Variants in RHOBTB1 observed in about 807,000 individuals in gnomAD.
RHOBTB1 encodes Rho related BTB domain containing 1.
A neutral mutation model predicts 71.6 loss-of-function variants in RHOBTB1; 40 were observed. The observed-to-expected ratio is 0.56, with a 90% CI of 0.43 to 0.73. RHOBTB1 has a LOEUF of 0.73. Among genes scored for constraint, RHOBTB1 ranks in the 30% least tolerant of loss-of-function variants. RHOBTB1 has a pLI of 0.00. For synonymous variants in RHOBTB1, 319 were observed against 334.9 expected, an observed-to-expected ratio of 0.95 and a Z score of 0.52; for missense variants, 797 against 894.0, an observed-to-expected ratio of 0.89 and a Z score of 1.38.
At chr10:60,889,345 A>G (rs1175093092) in intron 5 of RHOBTB1, among the ~76,000 whole-genome samples, 160 bp from the exon 6 acceptor site, 3 of 152,184 alleles carry the variant, frequency 2.0e-5, no homozygotes, top group African/African-American at 7.2e-5. Flanking sequence ...TTGAACTATA[A>G]AGGAGTTATG....
rs1050167680 is a variant in RHOBTB1, at chr10:60,870,380, A to G, written c.*1102T>C. ...CTTTCACAGGCTCCCAATGCATTTC[A>G]GCAGAAGTGGGTGGTCTGCCTTAGC... On this transcript the variant is annotated 3_prime_UTR_variant, in exon 11 of 11. Coordinates refer to ENST00000337910, the MANE Select transcript of RHOBTB1 (RefSeq NM_014836.5). 2.0e-5 allele frequency: 3 copies of G among 152,552 alleles called. No individual in the cohort carries two copies. The highest frequency in any genetic ancestry group is 4.4e-5 in the Non-Finnish European group (3 of 68,040). The allele number at this position is 152,552 out of a possible 1,614,324, so 9.4% of individuals were successfully genotyped here. A position where few individuals can be genotyped will look rare whatever the true frequency, so the allele number is the denominator to read the frequency against.
At chr10:60,988,481 A>C (rs773764355) in intron 1 of RHOBTB1, among the ~76,000 whole-genome samples, 1 of 151,634 alleles carries the variant, frequency 6.6e-6, no homozygotes, top group Non-Finnish European at 1.5e-5. Flanking sequence ...AGTAGTCCCC[A>C]GTGTCTGTTG....
chr10:60,968,227 C>T (rs2086037694), intron 2 of RHOBTB1, among the ~76,000 whole-genome samples: 1 of 152,072 alleles, frequency 6.6e-6, no homozygotes, highest in Admixed American at 6.6e-5. Context: ...TTTCTGGAAA[C>T]CCAGAGAATG....
chr10:60,929,279 T>C (rs554251152), intron 2 of RHOBTB1, among the ~76,000 whole-genome samples: 52 of 152,200 alleles, frequency 3.4e-4, no homozygotes, highest in African/African-American at 1.2e-3. Context: ...CCCATAAATA[T>C]GTACAACTAA....
chr10:60,933,385 T>A (rs1181642145), intron 2 of RHOBTB1, among the ~76,000 whole-genome samples: 1 of 152,218 alleles, frequency 6.6e-6, no homozygotes, highest in Non-Finnish European at 1.5e-5. Context: ...TAAGGTTTTA[T>A]TCCTGGAAAA....
chr10:60,947,815 G>A (rs2085286938), upstream of RHOBTB1, among the ~76,000 whole-genome samples: 1 of 152,148 alleles, frequency 6.6e-6, no homozygotes, highest in African/African-American at 2.4e-5. Flanking sequence ...GGTTTTGTGT[G>A]AGCATAAGTT....
At chr10:60,866,902 A>G (rs2080637339), downstream of RHOBTB1, among the ~76,000 whole-genome samples, 1 of 152,136 alleles carries the variant, frequency 6.6e-6, no homozygotes, top group African/African-American at 2.4e-5. Context: ...GCAGGAAAAG[A>G]CCACACTGCT....
chr10:60,962,388 G>A (rs2085813742), intron 2 of RHOBTB1, among the ~76,000 whole-genome samples: 1 of 152,092 alleles, frequency 6.6e-6, no homozygotes, highest in Non-Finnish European at 1.5e-5. Flanking sequence ...AGACATGACA[G>A]GGGAGGAAGA....
At chr10:60,974,980 A>G (rs2086270041) in intron 2 of RHOBTB1, among the ~76,000 whole-genome samples, 3 of 152,030 alleles carry the variant, frequency 2.0e-5, no homozygotes. Context: ...CTACCTCTGT[A>G]TGTGTGGCTG....
intron 9 of RHOBTB1, among the ~76,000 whole-genome samples, chr10:60,874,682 C>T (rs908030328): frequency 6.6e-6 from 1 of 152,124 alleles, no homozygotes; most frequent in Middle Eastern, 3.2e-3. Context: ...ACAAAACCTC[C>T]CCCAAGTGAT....
At chr10:60,950,283 G>T (rs936454732) in intron 2 of RHOBTB1, among the ~76,000 whole-genome samples, 7 of 152,114 alleles carry the variant, frequency 4.6e-5, no homozygotes, top group African/African-American at 1.7e-4. Context: ...ATTTTGTACT[G>T]GAAAAAATCT....
chr10:60,872,915 C>A (rs150471788), intron 9 of RHOBTB1, among the ~76,000 whole-genome samples: 1,058 of 152,268 alleles, frequency 6.9e-3, no homozygotes, highest in Non-Finnish European at 0.011. Flanking sequence ...ATCTACTCCC[C>A]CATTCCCTCC....
At chr10:60,952,678 C>A (rs1171085730) in intron 2 of RHOBTB1, among the ~76,000 whole-genome samples, 1 of 152,180 alleles carries the variant, frequency 6.6e-6, no homozygotes, top group East Asian at 1.9e-4. Context: ...TTGCTGATTA[C>A]AATGCATGAC....
intron 2 of RHOBTB1, among the ~76,000 whole-genome samples, chr10:60,929,316 AAAATT>A: frequency 6.6e-6 from 1 of 152,312 alleles, no homozygotes; most frequent in Non-Finnish European, 1.5e-5. Context: ...TTGAAAATGA[AAAATT>A]AAAAAAACAG....
At chr10:60,990,380 C>A (rs1425970711) in intron 1 of RHOBTB1, among the ~76,000 whole-genome samples, 2 of 152,148 alleles carry the variant, frequency 1.3e-5, no homozygotes, top group East Asian at 3.9e-4. Context: ...CTTGTCTACT[C>A]CCCAAGAATC....
chr10:60,984,606 C>T (rs1364605634), intron 2 of RHOBTB1, among the ~76,000 whole-genome samples: 1 of 152,104 alleles, frequency 6.6e-6, no homozygotes, highest in African/African-American at 2.4e-5. Context: ...TAAATAGGAT[C>T]CTGGTTCATT....
intron 2 of RHOBTB1, among the ~76,000 whole-genome samples, chr10:60,955,916 A>G (rs1221629409): frequency 7.2e-5 from 11 of 152,150 alleles, no homozygotes; most frequent in African/African-American, 2.4e-4. Flanking sequence ...TAATTTTCTC[A>G]CTCAACACAT....
chr10:60,994,548 T>C (rs147739388), intron 1 of RHOBTB1, among the ~76,000 whole-genome samples: 25 of 152,244 alleles, frequency 1.6e-4, no homozygotes, highest in Admixed American at 6.5e-4. Flanking sequence ...AATACTTCAG[T>C]CTTGAAATAT....
chr10:60,872,667 G>A (rs761929259), intron 9 of RHOBTB1, among the ~76,000 whole-genome samples: 21 of 149,018 alleles, frequency 1.4e-4, no homozygotes, highest in South Asian at 6.6e-4. Flanking sequence ...GGAAGCCTCC[G>A]CAATGGAATA....
Sources: allele counts gnomAD v4.1 joint callset (sites outside exome capture counted in the v4.1 genomes callset), GRCh38; gene constraint gnomAD v4.1.1; transcripts MANE v1.5; gene names NCBI Gene and HGNC (gene_info 2026-07-23, HGNC 2026-07-21).